AEBP2: variants seen among roughly 807,000 people sequenced by gnomAD.
The protein encoded by AEBP2 is zinc finger protein AEBP2.
Under a neutral mutation model 50.8 loss-of-function variants are expected in AEBP2, and 10 were observed. The observed-to-expected ratio is 0.20, with a 90% CI of 0.12 to 0.33. The LOEUF is 0.33. Ranked by LOEUF, AEBP2 falls within the 10% of genes least tolerant of loss-of-function variation. The pLI, the probability that AEBP2 is intolerant of heterozygous loss-of-function variation, is 1.00. For missense variants in AEBP2, 570 were observed against 688.0 expected (o/e 0.83, Z 1.92); for synonymous variants, 296 against 261.3 (o/e 1.13, Z -1.28).
At position 19,440,652 on chromosome 12, in the gene AEBP2, GAAAC is replaced by G; in HGVS notation, c.671+284_671+287del. ...CGGACCTCAGGACGGCTCTAACTCG[GAAAC>G]AGTCCCCAAACGGGCCCAGATCCTC... On this transcript the variant is annotated intron_variant, in intron 1 of 7. Coordinates refer to ENST00000266508, the MANE Select transcript of AEBP2 (RefSeq NM_153207.5). 3.3e-6 allele frequency: 5 copies of G among 1,530,664 alleles called. No homozygotes were observed. In the Admixed American group the frequency reaches 9.8e-5, roughly 30 times the overall value. 94.8% of individuals were successfully genotyped at this position (1,530,664 alleles called of 1,614,324 possible).
At chr12:19,488,290 ATT>A (rs34804680) in intron 3 of AEBP2, among the ~76,000 whole-genome samples, 14 of 118,396 alleles carry the variant, frequency 1.2e-4, no homozygotes, top group Non-Finnish European at 8.9e-5. Flanking sequence ...TAATTTTTGT[ATT>A]TTTTTTTTTT....
intron 3 of AEBP2, among the ~76,000 whole-genome samples, chr12:19,490,566 A>T (rs1948882058): frequency 6.9e-6 from 1 of 143,896 alleles, no homozygotes; most frequent in Admixed American, 6.9e-5. Flanking sequence ...TTTGAGACAG[A>T]GTCTCACTTC....
intron 1 of AEBP2, among the ~76,000 whole-genome samples, chr12:19,421,980 A>G (rs2095746084): frequency 6.6e-6 from 1 of 152,032 alleles, no homozygotes; most frequent in Admixed American, 6.6e-5. Context: ...CACCTCTATT[A>G]AAAACACAAA....
chr12:19,469,388 A>G (rs1445383383), intron 2 of AEBP2, among the ~76,000 whole-genome samples: 1 of 152,124 alleles, frequency 6.6e-6, no homozygotes, highest in Non-Finnish European at 1.5e-5. Flanking sequence ...AACATCTTAT[A>G]TTTTCATAGT....
chr12:19,510,494 T>A (rs1479081430), intron 5 of AEBP2, among the ~76,000 whole-genome samples: 2 of 152,226 alleles, frequency 1.3e-5, no homozygotes, highest in African/African-American at 4.8e-5. Context: ...GAATTTTATT[T>A]GACTTAACTG....
intron 3 of AEBP2, among the ~76,000 whole-genome samples, chr12:19,479,722 T>C (rs1458760353): frequency 7.4e-4 from 58 of 78,160 alleles, no homozygotes; most frequent in East Asian, 3.4e-3. Context: ...TGTGGGTTTT[T>C]TTTTTTTTTT....
At chr12:19,443,660 T>G (rs925900914) in intron 1 of AEBP2, among the ~76,000 whole-genome samples, 1 of 151,740 alleles carries the variant, frequency 6.6e-6, no homozygotes, top group East Asian at 2.0e-4. Context: ...GAGGCGGAGG[T>G]TACAGTGAGC....
At chr12:19,501,331 C>CAAAAA (rs568690588) in intron 5 of AEBP2, among the ~76,000 whole-genome samples, 11 of 82,192 alleles carry the variant, frequency 1.3e-4, no homozygotes, top group African/African-American at 4.9e-4. Context: ...AACTCCATCT[C>CAAAAA]AAAAAAAAAA....
At chr12:19,452,319 G>A (rs779552559) in intron 1 of AEBP2, among the ~76,000 whole-genome samples, 11 of 150,530 alleles carry the variant, frequency 7.3e-5, no homozygotes, top group Admixed American at 4.6e-4. Flanking sequence ...AAAAAAATAC[G>A]ATCTCACACA....
At chr12:19,456,312 A>G in intron 1 of AEBP2, 3 of 1,485,016 alleles carry the variant, frequency 2.0e-6, no homozygotes, top group Non-Finnish European at 1.9e-6. Context: ...CTTCTTGTTC[A>G]CTGCTTTGAT....
chr12:19,514,932 G>A, intron 7 of AEBP2, 148 bp downstream of exon 7: 1 of 631,432 alleles, frequency 1.6e-6, no homozygotes, highest in Non-Finnish European at 2.8e-6. Flanking sequence ...TTTGGATGTG[G>A]ACTCACAAAG....
At chr12:19,488,579 C>T (rs868334948) in intron 3 of AEBP2, among the ~76,000 whole-genome samples, 6 of 151,760 alleles carry the variant, frequency 4.0e-5, no homozygotes, top group Middle Eastern at 3.4e-3. Context: ...TTTAGATCGC[C>T]TCCTCATTAT....
intron 1 of AEBP2, among the ~76,000 whole-genome samples, chr12:19,420,327 C>CCT (rs1565696219): frequency 7.4e-5 from 8 of 108,436 alleles, no homozygotes; most frequent in Non-Finnish European, 1.2e-4. Flanking sequence ...CTGTGCTGAC[C>CCT]ATTTTTTTTT....
intron 1 of AEBP2, among the ~76,000 whole-genome samples, chr12:19,423,360 CTAT>C: frequency 6.6e-6 from 1 of 152,234 alleles, no homozygotes; most frequent in East Asian, 1.9e-4. Context: ...GCTGATCCTG[CTAT>C]TTGGCTAGTA....
intron 1 of AEBP2, among the ~76,000 whole-genome samples, chr12:19,404,513 T>C (rs186658989): frequency 2.7e-4 from 41 of 152,290 alleles, no homozygotes; most frequent in African/African-American, 9.4e-4. Context: ...TAAGTTCCTG[T>C]GTTGCTTCTC....
chr12:19,462,311 C>T (rs139894212), intron 1 of AEBP2, among the ~76,000 whole-genome samples, 199 bp from the exon 2 acceptor site: 7 of 152,180 alleles, frequency 4.6e-5, no homozygotes, highest in Admixed American at 1.3e-4. Context: ...GAGGTACTGT[C>T]GTGTTTCTGT....
rs148320030 is a variant in AEBP2 at position 19,486,808 on chromosome 12, C to CTT, written c.988-6983_988-6982dup. On this transcript the variant is annotated intron_variant, in intron 3 of 7. Transcript: ENST00000266508. Reference sequence around the variant, plus strand: ...TACTACCAGTCCTTTCTTTTCTTTTCTTTTTTTTTTGAGATAAAGTTTCTG... The same window carrying CTT: ...TACTACCAGTCCTTTCTTTTCTTTTCTTTTTTTTTTTTGAGATAAAGTTTCTG... Among the ~76,000 whole-genome samples the CTT allele has an allele frequency of 3.2e-4, 48 of 148,526 alleles. No individual in the cohort carries two copies. The Middle Eastern group carries it at 0.01, about 32-fold the overall frequency.
chr12:19,475,866 GATT>G (rs929035792), intron 3 of AEBP2, among the ~76,000 whole-genome samples: 4 of 152,014 alleles, frequency 2.6e-5, no homozygotes, highest in East Asian at 1.9e-4. Flanking sequence ...TTTTCGATGG[GATT>G]ATTATTATTT....
At chr12:19,421,277 G>A (rs1361217994) in intron 1 of AEBP2, among the ~76,000 whole-genome samples, 1 of 141,922 alleles carries the variant, frequency 7.0e-6, no homozygotes, top group Non-Finnish European at 1.5e-5. Flanking sequence ...CCAGGAAGTG[G>A]AAGTTGCAGT....
Sources: gnomAD v4.1 joint callset for allele counts (sites outside exome capture counted in the v4.1 genomes callset) on GRCh38, gnomAD v4.1.1 for gene constraint, MANE v1.5 for transcripts, NCBI Gene and HGNC (gene_info 2026-07-23, HGNC 2026-07-21) for gene names.